CACNA1H: variants seen among roughly 807,000 people sequenced by gnomAD.
CACNA1H encodes the protein voltage-dependent T-type calcium channel subunit alpha-1H.
A neutral mutation model predicts 192.5 loss-of-function variants in CACNA1H; 149 were observed. That is an observed-to-expected ratio of 0.77 (90% CI 0.68 to 0.89). The LOEUF (loss-of-function observed/expected upper bound fraction) is 0.89. CACNA1H is among the 40% of genes least tolerant of loss of function. The pLI is 0.00. For synonymous variants in CACNA1H, 2,202 were observed against 1,475.2 expected, an observed-to-expected ratio of 1.49 and a Z score of -11.29; for missense variants, 4,257 against 3,423.5, an observed-to-expected ratio of 1.24 and a Z score of -6.08.
At chr16:1,203,079 C>G (rs559968190) in intron 9 of CACNA1H, among the ~76,000 whole-genome samples, 2 of 152,090 alleles carry the variant, frequency 1.3e-5, no homozygotes, top group African/African-American at 2.4e-5. Flanking sequence ...GGGTGTGTCC[C>G]CCGTGGTGGG....
Position 1,210,819 on chromosome 16 carries a change from C to G in CACNA1H, c.4071C>G (p.His1357Gln). The G allele has an allele frequency of 6.2e-7, 1 of 1,603,170 alleles. No individual in the cohort carries two copies. Among genetic ancestry groups the G allele is most frequent in the Non-Finnish European group, 8.5e-7 (1 of 1,179,718 alleles). The change falls in exon 21 of 35, where the codon CAC becomes CAG. Residue 1357 changes from histidine to glutamine, a missense_variant. His to Gln is a conservative substitution (Grantham distance 24). Transcript: ENST00000348261. ...VVALGLLSGE[H>Q]AYLQSSWNLL... ...CCCTGGGGCTGCTGTCCGGCGAGCA[C>G]GCCTACCTGCAGAGCAGCTGGAACC...
intron 2 of CACNA1H, among the ~76,000 whole-genome samples, chr16:1,154,644 G>T (rs1006016603): frequency 6.6e-6 from 1 of 152,154 alleles, no homozygotes; most frequent in Non-Finnish European, 1.5e-5. Flanking sequence ...TAAGTCATGC[G>T]CAGCTGAAGG....
In CACNA1H at chr16:1,202,106, A is replaced by G; in HGVS notation, c.1656A>G (p.Arg552=). The G allele has an allele frequency of 6.5e-7, 1 of 1,545,578 alleles. No homozygotes were observed. ...GCGCCTGCGACACCAGGCTGGTCCG[A>G]GCTGGCGCGCCCCCCTCGCCACCTT... ...EPGACDTRLV[R]AGAPPSPPSP... is the part of the protein sequence containing the mutation. Residue 552 remains arginine, a synonymous_variant, in exon 9 of 35, where the codon CGA becomes CGG. Coordinates refer to ENST00000348261, the MANE Select transcript of CACNA1H (RefSeq NM_021098.3).
intron 2 of CACNA1H, among the ~76,000 whole-genome samples, chr16:1,164,543 G>T (rs1250230609): frequency 1.3e-5 from 2 of 152,252 alleles, no homozygotes; most frequent in Non-Finnish European, 2.9e-5. Context: ...CTGCTAAGTG[G>T]CCATCAGGTG....
At chr16:1,185,218 G>C (rs1014202443) in intron 2 of CACNA1H, among the ~76,000 whole-genome samples, 1 of 152,226 alleles carries the variant, frequency 6.6e-6, no homozygotes, top group African/African-American at 2.4e-5. Flanking sequence ...ATTCCAGCGT[G>C]TGACCAGACC....
At chr16:1,193,834 C>G (rs546913178) in intron 2 of CACNA1H, among the ~76,000 whole-genome samples, 1 of 152,150 alleles carries the variant, frequency 6.6e-6, no homozygotes, top group Non-Finnish European at 1.5e-5. Context: ...GGGAGGGGCT[C>G]CAGGCTGGAG....
chr16:1,181,015 G>A (rs1464523758), intron 2 of CACNA1H, among the ~76,000 whole-genome samples: 5 of 152,322 alleles, frequency 3.3e-5, no homozygotes, highest in South Asian at 2.1e-4. Context: ...TGGAGGGAGC[G>A]CCTGGTCCCC....
chr16:1,198,263 T>TCCCTGCCTCGGCCAGTC (rs935628510), intron 5 of CACNA1H, among the ~76,000 whole-genome samples: 3 of 148,962 alleles, frequency 2.0e-5, no homozygotes, highest in African/African-American at 4.9e-5. Flanking sequence ...CGCAGCCAGT[T>TCCCTGCCTCGGCCAGTC]CCCTGCCTCG....
chr16:1,207,195 T>A, intron 13 of CACNA1H, 77 bp downstream of exon 13: 1 of 1,550,934 alleles, frequency 6.4e-7, no homozygotes, highest in African/African-American at 1.4e-5. Flanking sequence ...GTCCTGCGCA[T>A]CCATAGCTGC....
intron 5 of CACNA1H, among the ~76,000 whole-genome samples, chr16:1,198,173 G>A (rs1042610369): frequency 2.0e-5 from 3 of 152,094 alleles, no homozygotes; most frequent in African/African-American, 7.2e-5. Context: ...GCAACTTCAG[G>A]GTGTCGCCAG....
chr16:1,216,499 C>T (rs1375412984), intron 30 of CACNA1H, among the ~76,000 whole-genome samples: 5 of 152,204 alleles, frequency 3.3e-5, no homozygotes, highest in African/African-American at 1.2e-4. Context: ...TGCCGGGACC[C>T]CTCAGTCAGC....
chr16:1,221,397 T>TCTCTGTG lies in CACNA1H; in HGVS notation c.*403_*404insCTCTGTG. On this transcript the variant is annotated 3_prime_UTR_variant, in exon 35 of 35. Coordinates refer to ENST00000348261, the MANE Select transcript of CACNA1H (RefSeq NM_021098.3). ...GCCCTGTGCCCTTGCCGGCGGCAGG[T>TCTCTGTG]TGCAGCCACCGCGGCCCAATGTCAC... The TCTCTGTG allele has an allele frequency of 3.3e-6, 1 of 303,276 alleles. No individual in the cohort carries two copies. Among genetic ancestry groups the TCTCTGTG allele is most frequent in the Non-Finnish European group, 6.1e-6 (1 of 164,292 alleles). 18.8% of individuals were successfully genotyped at this position (303,276 alleles called of 1,614,324 possible). A position where few individuals can be genotyped will look rare whatever the true frequency, so the allele number is the denominator to read the frequency against.
In CACNA1H at chr16:1,205,245, C is replaced by T. The variant is rs368201539; in HGVS notation, c.2583C>T (p.Asp861=). The T allele has an allele frequency of 1.8e-4, 289 of 1,608,198 alleles. 1 individual carries two copies. The highest frequency in any genetic ancestry group is 1.4e-3 in the South Asian group (129 of 90,932). ...GYIRNPYNIF[D]GIIVVISVWE... ...TCCGGAACCCGTACAACATCTTCGA[C>T]GGCATCATCGTGGTCATCAGGTGGG... The change falls in exon 11 of 35, where the codon GAC becomes GAT. Residue 861 remains aspartate, a synonymous_variant. Coordinates refer to ENST00000348261, the MANE Select transcript of CACNA1H (RefSeq NM_021098.3).
At chr16:1,192,035 C>T (rs917329003) in intron 2 of CACNA1H, among the ~76,000 whole-genome samples, 1 of 152,274 alleles carries the variant, frequency 6.6e-6, no homozygotes, top group Non-Finnish European at 1.5e-5. Flanking sequence ...CCCAACCTTG[C>T]CCCTCTATGG....
At chr16:1,198,571 C>T (rs1466139286) in intron 5 of CACNA1H, 44 bp from the exon 6 acceptor site, 10 of 1,604,794 alleles carry the variant, frequency 6.2e-6, no homozygotes, top group African/African-American at 1.3e-5. Context: ...CGAGGACACT[C>T]CTGCAGGGCT....
At chr16:1,204,836 A>T (rs1968468577) in intron 10 of CACNA1H, among the ~76,000 whole-genome samples, 1 of 94,274 alleles carries the variant, frequency 1.1e-5, no homozygotes, top group Non-Finnish European at 2.1e-5. Context: ...GGGGCCCCAG[A>T]TCAGTGCCGG....
chr16:1,211,210 G>T lies in CACNA1H; in HGVS notation c.4266G>T (p.Thr1422=). The T allele has an allele frequency of 6.2e-7, 1 of 1,613,010 alleles. No homozygotes were observed. Among genetic ancestry groups the T allele is most frequent in the South Asian group, 1.1e-5 (1 of 91,084 alleles). ...CGGGCCTCAAGCTGGTGGTGGAGAC[G>T]CTGATATCATCACTCAGGCCCATTG... is the stretch of plus-strand genomic sequence containing the variant. The part of the protein sequence containing the change: ...RAPGLKLVVE[T]LISSLRPIGN... Residue 1422 remains threonine, a synonymous_variant, in exon 22 of 35, where the codon ACG becomes ACT. Transcript: ENST00000348261.
rs111986908 is a variant in CACNA1H at position 1,204,236 on chromosome 16, G to A, written c.2229G>A (p.Thr743=). The A allele has an allele frequency of 8.5e-4, 1,372 of 1,611,106 alleles. No homozygotes were observed. The highest frequency in any genetic ancestry group is 1.1e-3 in the Non-Finnish European group (1,286 of 1,179,192). The change falls in exon 10 of 35, where the codon ACG becomes ACA. Residue 743 remains threonine, a synonymous_variant. Transcript: ENST00000348261. ...GGCACGGTGACCGCTGGGACCCCAC[G>A]CGACCACCCCGTGCGACGGACACAC... ...DVRHGDRWDP[T]RPPRATDTPG...
At chr16:1,217,845 G>GT in intron 31 of CACNA1H, 74 bp from the exon 32 acceptor site, 1 of 1,506,480 alleles carries the variant, frequency 6.6e-7, no homozygotes, top group Non-Finnish European at 8.9e-7. Flanking sequence ...CAAGGGGCAT[G>GT]TGGAGGCTGG....
Sources: gnomAD v4.1 joint callset for allele counts (sites outside exome capture counted in the v4.1 genomes callset) on GRCh38, gnomAD v4.1.1 for gene constraint, MANE v1.5 for transcripts, NCBI Gene and HGNC (gene_info 2026-07-23, HGNC 2026-07-21) for gene names.